The following ATP9A variants were observed in gnomAD, a reference collection of about 807,000 sequenced individuals.
ATP9A encodes the protein ATPase phospholipid transporting 9A.
Under a neutral mutation model 144.1 loss-of-function variants are expected in ATP9A, and 52 were observed. The observed-to-expected ratio is 0.36, with a 90% CI of 0.29 to 0.45. The LOEUF (loss-of-function observed/expected upper bound fraction) is 0.45. ATP9A is among the 20% of genes least tolerant of loss of function. ATP9A has a pLI of 1.00. For missense variants in ATP9A, 947 were observed against 1,392.7 expected (o/e 0.68, Z 5.09); for synonymous variants, 582 against 557.4 (o/e 1.04, Z -0.62).
At chr20:51,678,660 C>G (rs976184527) in intron 9 of ATP9A, among the ~76,000 whole-genome samples, 34 of 152,190 alleles carry the variant, frequency 2.2e-4, no homozygotes, top group African/African-American at 8.2e-4. Context: ...CGAGCCCGGG[C>G]TGAGCTTGGA....
intron 7 of ATP9A, 72 bp from the exon 8 acceptor site, chr20:51,690,891 G>T: frequency 8.2e-7 from 1 of 1,222,426 alleles, no homozygotes; most frequent in Non-Finnish European, 1.2e-6. Context: ...CATCCACTAT[G>T]TTTCCAAAGC....
chr20:51,672,542 G>GCTGA (rs2077460427), intron 11 of ATP9A, among the ~76,000 whole-genome samples: 1 of 152,100 alleles, frequency 6.6e-6, no homozygotes, highest in African/African-American at 2.4e-5. Context: ...TCCAGAGCAT[G>GCTGA]CTGACTTGGG....
At chr20:51,683,171 T>C (rs138857553) in intron 9 of ATP9A, among the ~76,000 whole-genome samples, 2,286 of 152,256 alleles carry the variant, frequency 0.015, 26 homozygotes, top group Non-Finnish European at 0.024. Context: ...GACTGCAGCC[T>C]TGACCTCCAA....
intron 12 of ATP9A, among the ~76,000 whole-genome samples, chr20:51,670,819 C>G (rs2077452662): frequency 6.6e-6 from 1 of 152,130 alleles, no homozygotes; most frequent in Admixed American, 6.6e-5. Context: ...GTCACTTACC[C>G]TCTCTGGGCC....
chr20:51,605,583 A>G (rs1601050512), intron 26 of ATP9A, among the ~76,000 whole-genome samples: 1 of 152,100 alleles, frequency 6.6e-6, no homozygotes, highest in Non-Finnish European at 1.5e-5. Context: ...GTACCACTGC[A>G]CTCCAGCCTG....
At chr20:51,638,154 G>A (rs1225296683) in intron 15 of ATP9A, among the ~76,000 whole-genome samples, 3 of 126,508 alleles carry the variant, frequency 2.4e-5, no homozygotes, top group Non-Finnish European at 4.8e-5. Context: ...CTTGTTGACT[G>A]ATGAGTATTT....
chr20:51,719,706 C>A (rs1188507776), intron 3 of ATP9A, among the ~76,000 whole-genome samples: 1 of 137,894 alleles, frequency 7.3e-6, no homozygotes, highest in Non-Finnish European at 1.5e-5. Context: ...GCACTCCAGC[C>A]TGGCAACAGA....
chr20:51,662,946 T>TA (rs2077416984), intron 13 of ATP9A, among the ~76,000 whole-genome samples: 2 of 151,878 alleles, frequency 1.3e-5, no homozygotes, highest in African/African-American at 4.8e-5. Flanking sequence ...GGCAGGCACC[T>TA]GTAATCCCAG....
rs558189054 is a variant in ATP9A, at chr20:51,623,801, A to AAAAAAG, written c.2016+1390_2016+1391insCTTTTT. ...AAACTCTGTCTCAAAAAAAAAAAAAAAAAGAAAGAAAGAAAGAAAAGAAAA... is the reference window on the plus strand; with the variant it reads ...AAACTCTGTCTCAAAAAAAAAAAAAAAAAAAGAAAGAAAGAAAGAAAGAAAAGAAAA... On this transcript the variant is annotated intron_variant, in intron 18 of 27. Coordinates refer to ENST00000338821, the MANE Select transcript of ATP9A (RefSeq NM_006045.3). Among the ~76,000 whole-genome samples the AAAAAAG allele has an allele frequency of 3.7e-4, 50 of 133,412 alleles. 2 individuals are homozygous for AAAAAAG. Among genetic ancestry groups the AAAAAAG allele is most frequent in the Non-Finnish European group, 4.5e-4 (29 of 65,048 alleles). 87.5% of individuals were successfully genotyped at this position (133,412 alleles called of 152,430 possible).
chr20:51,646,508 C>T (rs1228746462), intron 14 of ATP9A, among the ~76,000 whole-genome samples: 1 of 152,122 alleles, frequency 6.6e-6, no homozygotes, highest in Non-Finnish European at 1.5e-5. Flanking sequence ...TCACTCAATA[C>T]GAAAATACAT....
chr20:51,609,282 G>C (rs1318633225), intron 24 of ATP9A, among the ~76,000 whole-genome samples: 1 of 152,150 alleles, frequency 6.6e-6, no homozygotes, highest in Non-Finnish European at 1.5e-5. Context: ...CCCGACGAAA[G>C]ACAGCCCGCT....
intron 9 of ATP9A, among the ~76,000 whole-genome samples, chr20:51,678,241 A>C (rs2077485484): frequency 6.6e-6 from 1 of 152,108 alleles, no homozygotes; most frequent in Non-Finnish European, 1.5e-5. Flanking sequence ...GCTCTCAGGG[A>C]AGATCCCAGG....
intron 1 of ATP9A, among the ~76,000 whole-genome samples, chr20:51,736,860 G>C (rs1402258904): frequency 6.6e-6 from 1 of 152,110 alleles, no homozygotes; most frequent in African/African-American, 2.4e-5. Context: ...CAGACTAAGG[G>C]GGGTGGCAGT....
In ATP9A at chr20:51,729,858, G is replaced by A. The variant is rs1471929363; in HGVS notation, c.189C>T (p.Tyr63=). The change falls in exon 2 of 28, where the codon TAC becomes TAT. Residue 63 remains tyrosine, a synonymous_variant. Transcript: ENST00000338821. ...CCCCAGGAAGAAAGGTGAAGAAATTGTACTTCTGATTGTTGATGACATTCC... is the reference window on the plus strand; with the variant it reads ...CCCCAGGAAGAAAGGTGAAGAAATTATACTTCTGATTGTTGATGACATTCC... ...YPRNVINNQK[Y]NFFTFLPGVL... 5 of 1,593,932 alleles carry A rather than the reference G, an allele frequency of 3.1e-6. 1 individual carries two copies. Among genetic ancestry groups the A allele is most frequent in the Non-Finnish European group, 2.6e-6 (3 of 1,173,954 alleles).
At position 51,712,991 on chromosome 20, in the gene ATP9A, C is replaced by A. The variant is rs1372076495; in HGVS notation, c.411G>T (p.Gln137His). The A allele has an allele frequency of 6.2e-7, 1 of 1,612,600 alleles. No homozygotes were observed. The highest frequency in any genetic ancestry group is 1.6e-4 in the Middle Eastern group (1 of 6,062). ...CYVRDKEVNS[Q>H]VYSRLTARGT... ...CTCGTGCTGTGAGCCGGCTGTAGAC[C>A]TGGGAGTTGACTTCCTTGTCCCGCA... Residue 137 changes from glutamine (Q) to histidine (H), a missense_variant, in exon 4 of 28, where the codon CAG (glutamine) becomes CAT (histidine). By Grantham distance (24) the Gln-to-His change is conservative (BLOSUM62 0). Transcript: ENST00000338821.
At chr20:51,765,919 T>C (rs1357308270) in intron 1 of ATP9A, among the ~76,000 whole-genome samples, 1 of 152,114 alleles carries the variant, frequency 6.6e-6, no homozygotes, top group East Asian at 1.9e-4. Flanking sequence ...ACCAAGGCAT[T>C]GCACTCCAGG....
chr20:51,660,901 G>A (rs959950889), intron 13 of ATP9A, among the ~76,000 whole-genome samples: 7 of 152,222 alleles, frequency 4.6e-5, no homozygotes, highest in African/African-American at 1.7e-4. Context: ...GGCATCCACA[G>A]AGGCAGGTTA....
At chr20:51,676,270 G>T in intron 9 of ATP9A, 62 bp from the exon 10 acceptor site, 1 of 1,300,238 alleles carries the variant, frequency 7.7e-7, no homozygotes, top group Non-Finnish European at 1.1e-6. Flanking sequence ...AGGCAGGCTT[G>T]CAAATAGAAG....
chr20:51,632,780 AGACAACCTCACCAAGATG>A (rs113198554), intron 15 of ATP9A, among the ~76,000 whole-genome samples: 10 of 152,348 alleles, frequency 6.6e-5, no homozygotes, highest in African/African-American at 2.4e-4. Flanking sequence ...ATTTCATTAA[AGACAACCTCACCAAGATG>A]GACATTCACA....
Sources: allele counts gnomAD v4.1 joint callset (sites outside exome capture counted in the v4.1 genomes callset), GRCh38; gene constraint gnomAD v4.1.1; transcripts MANE v1.5; gene names NCBI Gene and HGNC (gene_info 2026-07-23, HGNC 2026-07-21).